Variants in SLC30A9 observed in about 807,000 individuals in gnomAD.
The protein encoded by SLC30A9 is solute carrier family 30 member 9.
Under a neutral mutation model 87.5 loss-of-function variants are expected in SLC30A9, and 58 were observed. That is an observed-to-expected ratio of 0.66 (90% CI 0.54 to 0.82). The LOEUF is 0.82. Among genes scored for constraint, SLC30A9 ranks in the 40% least tolerant of loss-of-function variants. The pLI, the probability that SLC30A9 is intolerant of heterozygous loss-of-function variation, is 0.00. For synonymous variants in SLC30A9, 234 were observed against 233.0 expected (o/e 1.00, Z -0.04); for missense variants, 557 against 679.1 (o/e 0.82, Z 2.00).
intron 17 of SLC30A9, among the ~76,000 whole-genome samples, chr4:42,080,859 A>T (rs1718720463): frequency 6.6e-6 from 1 of 152,230 alleles, no homozygotes; most frequent in Admixed American, 6.5e-5. Flanking sequence ...GCATGATTCT[A>T]TAACATTATG....
At chr4:42,013,365 T>C (rs778010653) in intron 2 of SLC30A9, among the ~76,000 whole-genome samples, 2 of 152,162 alleles carry the variant, frequency 1.3e-5, no homozygotes, top group Non-Finnish European at 2.9e-5. Flanking sequence ...TCTTACTCTT[T>C]CTCAGATACT....
At chr4:42,054,216 A>G (rs1326316350) in intron 9 of SLC30A9, among the ~76,000 whole-genome samples, 1 of 151,954 alleles carries the variant, frequency 6.6e-6, no homozygotes, top group East Asian at 2.0e-4. Context: ...ACATTAGCTG[A>G]GCGTGGTGGT....
At chr4:42,043,224 T>A (rs1304217073) in intron 8 of SLC30A9, among the ~76,000 whole-genome samples, 2 of 152,038 alleles carry the variant, frequency 1.3e-5, no homozygotes, top group African/African-American at 2.4e-5. Context: ...GGACGGAGAA[T>A]GAGTTTGACG....
At chr4:42,001,445 A>G in intron 1 of SLC30A9, among the ~76,000 whole-genome samples, 171 bp from the exon 2 acceptor site, 1 of 152,210 alleles carries the variant, frequency 6.6e-6, no homozygotes, top group Non-Finnish European at 1.5e-5. Context: ...AAATTTCCAA[A>G]TAAGTTTACA....
At chr4:42,022,424 G>T (rs928577061) in intron 4 of SLC30A9, among the ~76,000 whole-genome samples, 2 of 150,918 alleles carry the variant, frequency 1.3e-5, no homozygotes, top group Non-Finnish European at 3.0e-5. Flanking sequence ...TAGAGACGGG[G>T]TTTCACCATG....
At chr4:42,037,085 C>T (rs555435582) in intron 7 of SLC30A9, among the ~76,000 whole-genome samples, 76 of 152,044 alleles carry the variant, frequency 5.0e-4, no homozygotes, top group African/African-American at 1.7e-3. Flanking sequence ...GCTATTACAA[C>T]GTTTTTTTGC....
intron 8 of SLC30A9, among the ~76,000 whole-genome samples, chr4:42,040,674 T>C (rs1032067007): frequency 6.6e-6 from 1 of 151,610 alleles, no homozygotes; most frequent in African/African-American, 2.4e-5. Flanking sequence ...TGGGCGCCTG[T>C]AGTCCCAGCT....
At position 42,083,316 on chromosome 4, in the gene SLC30A9, G is replaced by A. The variant is rs570026918; in HGVS notation, c.1663-2766G>A. ...TCATGGTGTGTAAAATAGCCTAATCGGTATTGAGCAATGCAAGGAATATAG... is the reference window on the plus strand; with the variant it reads ...TCATGGTGTGTAAAATAGCCTAATCAGTATTGAGCAATGCAAGGAATATAG... On this transcript the variant is annotated intron_variant, in intron 17 of 17. Transcript: ENST00000264451. 5.9e-5 allele frequency among the ~76,000 whole-genome samples: 9 copies of A among 152,240 alleles called. No homozygotes were observed. In the East Asian group the frequency reaches 7.7e-4, roughly 13 times the overall value.
In SLC30A9 at chr4:42,070,515, G is replaced by T; in HGVS notation, c.1253-11G>T. 1 of 1,598,368 alleles carries T rather than the reference G, an allele frequency of 6.3e-7. No homozygotes were observed. Among genetic ancestry groups the T allele is most frequent in the Non-Finnish European group, 8.5e-7 (1 of 1,171,056 alleles). On this transcript the variant is annotated splice_polypyrimidine_tract_variant and intron_variant, in intron 14 of 17. Coordinates refer to ENST00000264451, the MANE Select transcript of SLC30A9 (RefSeq NM_006345.4). ...TGTTAATTTACTGATTTTTTTATGT[G>T]CTTCATTTAGGCAATCCACTGTATG...
chr4:42,035,946 C>G (rs1716660769), intron 7 of SLC30A9, among the ~76,000 whole-genome samples: 1 of 152,166 alleles, frequency 6.6e-6, no homozygotes, highest in Non-Finnish European at 1.5e-5. Flanking sequence ...TCTTTAGCCT[C>G]TCTCTTTCTG....
At chr4:42,024,841 T>C (rs997012798) in intron 6 of SLC30A9, among the ~76,000 whole-genome samples, 1 of 152,250 alleles carries the variant, frequency 6.6e-6, no homozygotes, top group South Asian at 2.1e-4. Context: ...GTGGTTTTTC[T>C]TAGTTCTTCT....
In SLC30A9 at chr4:42,001,675, T is replaced by C. The variant is rs367781595; in HGVS notation, c.169T>C (p.Tyr57His). 1.9e-6 allele frequency: 3 copies of C among 1,608,408 alleles called. No homozygotes were observed. The highest frequency in any genetic ancestry group is 2.6e-6 in the Non-Finnish European group (3 of 1,175,256). ...AAACATGGTTCCCTGTAGTCATCCA[T>C]ATATTGGTACCCTGAGTCAAGTAAA... ...FSNMVPCSHPYIGTLSQVKLY... is the reference protein window; with the variant it reads ...FSNMVPCSHPHIGTLSQVKLY... Residue 57 changes from tyrosine (Y) to histidine (H), a missense_variant, in exon 2 of 18, where the codon TAT becomes CAT. Physicochemically the swap from Tyr to His is moderately conservative, Grantham distance 83. This residue lies in a region of SLC30A9 where 467 missense variants were observed against 529.8 expected (regional missense o/e 0.88). Coordinates refer to ENST00000264451, the MANE Select transcript of SLC30A9 (RefSeq NM_006345.4).
At chr4:42,072,533 T>C (rs1718352119) in intron 15 of SLC30A9, among the ~76,000 whole-genome samples, 1 of 152,084 alleles carries the variant, frequency 6.6e-6, no homozygotes, top group Non-Finnish European at 1.5e-5. Context: ...TGTCACTTAA[T>C]TTTTACGTAT....
chr4:42,041,324 C>T (rs1249784853), intron 8 of SLC30A9, among the ~76,000 whole-genome samples: 4 of 151,938 alleles, frequency 2.6e-5, no homozygotes, highest in South Asian at 2.1e-4. Flanking sequence ...CTCACTCTGT[C>T]GCCAGGCTGG....
chr4:41,997,212 C>T (rs1200219277), intron 1 of SLC30A9, among the ~76,000 whole-genome samples: 2 of 151,230 alleles, frequency 1.3e-5, no homozygotes, highest in Non-Finnish European at 2.9e-5. Flanking sequence ...AAAGTTACAT[C>T]AGCAGTGGTC....
intron 2 of SLC30A9, among the ~76,000 whole-genome samples, chr4:42,017,743 A>C (rs527592065): frequency 6.6e-6 from 1 of 152,098 alleles, no homozygotes; most frequent in South Asian, 2.1e-4. Flanking sequence ...TTGTTCCTTA[A>C]TTTAAAAATG....
intron 17 of SLC30A9, chr4:42,078,697 A>G (rs2153141294): frequency 6.5e-6 from 1 of 154,780 alleles, no homozygotes; most frequent in East Asian, 1.9e-4. Flanking sequence ...AATAGAATGT[A>G]TATCTTGCTT....
intron 9 of SLC30A9, among the ~76,000 whole-genome samples, chr4:42,057,051 A>C (rs13434423): frequency 6.6e-6 from 1 of 152,014 alleles, no homozygotes; most frequent in Non-Finnish European, 1.5e-5. Context: ...GCCATGGGCA[A>C]CTCCACCTCT....
Position 42,070,506 on chromosome 4 carries a change from T to C in SLC30A9, c.1253-20T>C. The C allele has an allele frequency of 6.3e-7, 1 of 1,596,478 alleles. No homozygotes were observed. Among genetic ancestry groups the C allele is most frequent in the Non-Finnish European group, 8.6e-7 (1 of 1,168,942 alleles). On this transcript the variant is annotated intron_variant, in intron 14 of 17. Coordinates refer to ENST00000264451, the MANE Select transcript of SLC30A9 (RefSeq NM_006345.4). ...AATATAAACTGTTAATTTACTGATT[T>C]TTTTATGTGCTTCATTTAGGCAATC...
Sources: allele counts gnomAD v4.1 joint callset (sites outside exome capture counted in the v4.1 genomes callset), GRCh38; gene constraint gnomAD v4.1.1; regional missense constraint gnomAD v4.1.1; transcripts MANE v1.5; gene names NCBI Gene and HGNC (gene_info 2026-07-23, HGNC 2026-07-21).